Variants in TNFRSF19 observed in about 807,000 individuals in gnomAD.
TNFRSF19 encodes TNF receptor superfamily member 19.
In TNFRSF19, 27 loss-of-function variants were observed where a neutral mutation model predicts 46.4. The observed-to-expected ratio is 0.58, with a 90% CI of 0.43 to 0.80. TNFRSF19 has a LOEUF of 0.80. TNFRSF19 is among the 30% of genes least tolerant of loss of function. The pLI is 0.00. For synonymous variants in TNFRSF19, 204 were observed against 205.0 expected, an observed-to-expected ratio of 1.00 and a Z score of 0.04; for missense variants, 511 against 530.8, an observed-to-expected ratio of 0.96 and a Z score of 0.37.
At chr13:23,658,296 T>C (rs1250761214) in intron 5 of TNFRSF19, among the ~76,000 whole-genome samples, 2 of 152,150 alleles carry the variant, frequency 1.3e-5, no homozygotes, top group Non-Finnish European at 2.9e-5. Context: ...TTACCTCCAT[T>C]TGAACAGATG....
chr13:23,580,440 A>G (rs903409497), intron 1 of TNFRSF19, among the ~76,000 whole-genome samples: 1 of 152,246 alleles, frequency 6.6e-6, no homozygotes, highest in African/African-American at 2.4e-5. Context: ...GGAAACAGTT[A>G]TTGTTAAACA....
chr13:23,628,510 G>A (rs892108981), intron 5 of TNFRSF19, among the ~76,000 whole-genome samples: 3 of 152,172 alleles, frequency 2.0e-5, no homozygotes, highest in Non-Finnish European at 2.9e-5. Flanking sequence ...CAGAGATTCC[G>A]TGAAGTCAGT....
Position 23,660,467 on chromosome 13 carries a change from G to A in TNFRSF19, c.713G>A (p.Arg238His), listed in dbSNP as rs377726164. The change falls in exon 7 of 10, where the codon CGC (arginine) becomes CAC (histidine). Residue 238 changes from arginine to histidine, a missense_variant. By Grantham distance (29) the Arg-to-His change is conservative. Coordinates refer to ENST00000248484, the MANE Select transcript of TNFRSF19 (RefSeq NM_148957.4). The part of the protein sequence containing the change: ...EYAHRACCQC[R>H]RDSVQTCGPV... ...GCCCACAGAGCCTGCTGCCAGTGCC[G>A]CCGTGACTCAGTGCAGACCTGCGGT... 36 of 1,613,254 alleles carry A rather than the reference G, an allele frequency of 2.2e-5. No individual in the cohort carries two copies. The highest frequency in any genetic ancestry group is 1.8e-4 in the Middle Eastern group (1 of 5,572).
At position 23,674,594 on chromosome 13, in the gene TNFRSF19, A is replaced by G. The variant is rs193150266; in HGVS notation, c.*1214A>G. On this transcript the variant is annotated 3_prime_UTR_variant, in exon 10 of 10. Coordinates refer to ENST00000248484, the MANE Select transcript of TNFRSF19 (RefSeq NM_148957.4). ...ACACATTAGCATTGTCTCTAGAGCT[A>G]AGACAGAAATTAACCCCGTTCAGTC... 1.8e-4 allele frequency: 28 copies of G among 152,336 alleles called. No homozygotes were observed. In the East Asian group the frequency reaches 5.4e-3, roughly 29 times the overall value. The allele number at this position is 152,336 out of a possible 1,614,324, so 9.4% of individuals were successfully genotyped here.
intron 4 of TNFRSF19, among the ~76,000 whole-genome samples, chr13:23,619,979 ATTCTTT>A (rs1881546735): frequency 6.6e-6 from 1 of 152,220 alleles, no homozygotes. Context: ...GTGTTTGTTT[ATTCTTT>A]AGGTAAATAC....
At chr13:23,631,487 A>T (rs1882358367) in intron 5 of TNFRSF19, among the ~76,000 whole-genome samples, 1 of 152,144 alleles carries the variant, frequency 6.6e-6, no homozygotes, top group Admixed American at 6.5e-5. Context: ...GGCTGTTCCT[A>T]TTCCACGTGA....
intron 3 of TNFRSF19, chr13:23,594,159 G>A (rs779543183): frequency 1.2e-5 from 5 of 428,296 alleles, no homozygotes; most frequent in African/African-American, 2.0e-5. Context: ...TGAGTTTTAA[G>A]CACAAAACTG....
chr13:23,601,559 G>A (rs1217534540), intron 3 of TNFRSF19, among the ~76,000 whole-genome samples: 2 of 152,168 alleles, frequency 1.3e-5, no homozygotes, highest in Non-Finnish European at 2.9e-5. Context: ...GAAGTGCTAA[G>A]TGAAGGTAAA....
At chr13:23,627,226 G>T (rs1882071272) in intron 5 of TNFRSF19, among the ~76,000 whole-genome samples, 1 of 152,138 alleles carries the variant, frequency 6.6e-6, no homozygotes, top group Admixed American at 6.5e-5. Context: ...CTCTCTGTGA[G>T]TCACCTGCCC....
chr13:23,651,807 A>G (rs1157043531), intron 5 of TNFRSF19, among the ~76,000 whole-genome samples: 1 of 149,046 alleles, frequency 6.7e-6, no homozygotes, highest in Non-Finnish European at 1.5e-5. Flanking sequence ...TGGTCTATAC[A>G]GAATCTGAAC....
intron 1 of TNFRSF19, among the ~76,000 whole-genome samples, chr13:23,578,128 T>C (rs1366896888): frequency 2.0e-5 from 3 of 152,072 alleles, no homozygotes; most frequent in Non-Finnish European, 4.4e-5. Context: ...CAGGTGTAGC[T>C]GGGGAAGGAA....
At position 23,574,851 on chromosome 13, in the gene TNFRSF19, C is replaced by T. The variant is rs187312414; in HGVS notation, c.-35+4003C>T. Among the ~76,000 whole-genome samples the T allele has an allele frequency of 9.8e-5, 15 of 152,338 alleles. No homozygotes were observed. In the East Asian group the frequency reaches 2.5e-3, roughly 25 times the overall value. On this transcript the variant is annotated intron_variant, in intron 1 of 9. Transcript: ENST00000248484. ...CTCCAAAGTTGTTACCTCAAACCCA[C>T]CCACTTGCCAAAATCAATACTCACT... is the stretch of plus-strand genomic sequence containing the variant.
chr13:23,610,898 G>A (rs1880856493), intron 3 of TNFRSF19, among the ~76,000 whole-genome samples: 1 of 151,936 alleles, frequency 6.6e-6, no homozygotes, highest in Admixed American at 6.6e-5. Flanking sequence ...AGGATTCGGG[G>A]AAGTACTGCG....
At chr13:23,578,799 T>C (rs1232764523) in intron 1 of TNFRSF19, among the ~76,000 whole-genome samples, 1 of 152,224 alleles carries the variant, frequency 6.6e-6, no homozygotes, top group East Asian at 1.9e-4. Context: ...GTGCTACAGC[T>C]GTGGTGCAGA....
intron 3 of TNFRSF19, among the ~76,000 whole-genome samples, chr13:23,607,678 A>G (rs1880607725): frequency 6.6e-6 from 1 of 152,184 alleles, no homozygotes; most frequent in Non-Finnish European, 1.5e-5. Flanking sequence ...TTAGTAGGCC[A>G]TTAGCATTTT....
intron 5 of TNFRSF19, among the ~76,000 whole-genome samples, chr13:23,647,366 A>G (rs1002679875): frequency 2.0e-5 from 3 of 152,110 alleles, no homozygotes; most frequent in Non-Finnish European, 4.4e-5. Context: ...GCCCAAGGTC[A>G]TGAAGATTTT....
At chr13:23,595,469 G>A (rs1460103501) in intron 3 of TNFRSF19, among the ~76,000 whole-genome samples, 2 of 152,106 alleles carry the variant, frequency 1.3e-5, no homozygotes, top group Non-Finnish European at 2.9e-5. Context: ...GCATACACAA[G>A]TATCAATAGC....
chr13:23,607,830 A>G (rs1230518818), intron 3 of TNFRSF19, among the ~76,000 whole-genome samples: 2 of 152,344 alleles, frequency 1.3e-5, no homozygotes, highest in Non-Finnish European at 1.5e-5. Context: ...AATTACAAAC[A>G]TGTACCTGTG....
chr13:23,573,825 G>A (rs1275573466), intron 1 of TNFRSF19, among the ~76,000 whole-genome samples: 2 of 152,248 alleles, frequency 1.3e-5, no homozygotes, highest in African/African-American at 4.8e-5. Flanking sequence ...CACTTTGGGA[G>A]GCCGAGGCAG....
Sources: gnomAD v4.1 joint callset for allele counts (sites outside exome capture counted in the v4.1 genomes callset) on GRCh38, gnomAD v4.1.1 for gene constraint, MANE v1.5 for transcripts, NCBI Gene and HGNC (gene_info 2026-07-23, HGNC 2026-07-21) for gene names.